TMEFF2: variants seen among roughly 807,000 people sequenced by gnomAD.
TMEFF2 encodes tomoregulin-2.
In TMEFF2, 28 loss-of-function variants were observed where a neutral mutation model predicts 53.8. That is an observed-to-expected ratio of 0.52 (90% CI 0.39 to 0.71). TMEFF2 has a LOEUF of 0.71. TMEFF2 is among the 30% of genes least tolerant of loss of function. TMEFF2 has a pLI of 0.00. For missense variants in TMEFF2, 353 were observed against 455.2 expected, an observed-to-expected ratio of 0.78 and a Z score of 2.04; for synonymous variants, 162 against 166.3, an observed-to-expected ratio of 0.97 and a Z score of 0.20.
intron 7 of TMEFF2, among the ~76,000 whole-genome samples, chr2:191,963,216 T>TA (rs994236632): frequency 1.8e-4 from 28 of 152,306 alleles, no homozygotes; most frequent in African/African-American, 6.7e-4. Context: ...AAGTTTGCTA[T>TA]AAACTTTAGA....
chr2:192,072,201 C>T (rs925373758), intron 4 of TMEFF2, among the ~76,000 whole-genome samples: 3 of 151,836 alleles, frequency 2.0e-5, no homozygotes, highest in African/African-American at 7.2e-5. Flanking sequence ...TTTAACCTTA[C>T]TTTTTCTATA....
At chr2:192,146,713 A>G (rs1334167384) in intron 4 of TMEFF2, among the ~76,000 whole-genome samples, 1 of 81,242 alleles carries the variant, frequency 1.2e-5, no homozygotes, top group African/African-American at 3.0e-5. Flanking sequence ...TTTAAATCTA[A>G]GAAAAGAAAA....
chr2:192,164,410 C>T (rs538623950), intron 4 of TMEFF2, among the ~76,000 whole-genome samples: 1 of 152,236 alleles, frequency 6.6e-6, no homozygotes, highest in East Asian at 1.9e-4. Context: ...AGTAACTTTG[C>T]ATAACATCAC....
chr2:192,037,468 A>G (rs1192832671), intron 5 of TMEFF2, among the ~76,000 whole-genome samples: 2 of 151,720 alleles, frequency 1.3e-5, no homozygotes, highest in Non-Finnish European at 2.9e-5. Flanking sequence ...TCTGCCTTAG[A>G]AGGAAAGGCA....
intron 7 of TMEFF2, among the ~76,000 whole-genome samples, chr2:191,981,566 TTAAA>T (rs1397374522): frequency 6.6e-6 from 1 of 152,202 alleles, no homozygotes; most frequent in Non-Finnish European, 1.5e-5. Flanking sequence ...AAATGCAAAA[TTAAA>T]TGTGTTTCTA....
chr2:192,050,890 C>A (rs1687752757), intron 5 of TMEFF2, among the ~76,000 whole-genome samples: 1 of 152,224 alleles, frequency 6.6e-6, no homozygotes, highest in Non-Finnish European at 1.5e-5. Flanking sequence ...AAACTATCAA[C>A]ATTTTCCCCT....
chr2:192,173,974 T>A (rs192476913), intron 4 of TMEFF2, among the ~76,000 whole-genome samples: 4 of 151,966 alleles, frequency 2.6e-5, no homozygotes, highest in Admixed American at 2.6e-4. Flanking sequence ...AGTTCAAAGT[T>A]ATTTGCATTA....
At chr2:191,987,097 CT>C (rs1685996378) in intron 7 of TMEFF2, among the ~76,000 whole-genome samples, 1 of 152,044 alleles carries the variant, frequency 6.6e-6, no homozygotes, top group South Asian at 2.1e-4. Flanking sequence ...GACATTCTGG[CT>C]GGATAATGTT....
At chr2:191,978,183 G>A (rs1474422855) in intron 7 of TMEFF2, among the ~76,000 whole-genome samples, 1 of 151,874 alleles carries the variant, frequency 6.6e-6, no homozygotes, top group Non-Finnish European at 1.5e-5. Context: ...GTATAGTTTC[G>A]GATGTAGCCA....
chr2:192,194,069 C>G lies in TMEFF2; in HGVS notation c.172+284G>C, dbSNP rs1691540768. On this transcript the variant is annotated intron_variant, in intron 1 of 9. Transcript: ENST00000272771. The surrounding 1 kb of genome is among the most constrained non-coding windows in gnomAD (Gnocchi z 4.2). ...CTTTCAAAACAGTGAACCCAGAAAA[C>G]CATCCCGTTTAATATTTCTCAAAAT... 6.6e-6 allele frequency among the ~76,000 whole-genome samples: 1 copy of G among 152,180 alleles called. No individual in the cohort carries two copies. Among genetic ancestry groups the G allele is most frequent in the African/African-American group, 2.4e-5 (1 of 41,458 alleles).
intron 4 of TMEFF2, among the ~76,000 whole-genome samples, chr2:192,135,427 T>C (rs1033987190): frequency 6.6e-5 from 10 of 152,184 alleles, no homozygotes; most frequent in African/African-American, 2.4e-4. Flanking sequence ...TACAAAACCG[T>C]ATCCAGGCCA....
intron 4 of TMEFF2, among the ~76,000 whole-genome samples, chr2:192,083,859 T>C (rs997796200): frequency 1.3e-5 from 2 of 151,970 alleles, no homozygotes; most frequent in African/African-American, 4.8e-5. Context: ...ACTCATGCAA[T>C]TAGAGTTAGA....
intron 4 of TMEFF2, among the ~76,000 whole-genome samples, chr2:192,086,494 C>G (rs142510488): frequency 7.2e-5 from 11 of 152,202 alleles, no homozygotes; most frequent in African/African-American, 2.4e-4. Flanking sequence ...TAATTCCCAT[C>G]TCTTTTGTTG....
intron 2 of TMEFF2, 66 bp from the exon 3 acceptor site, chr2:192,184,549 C>A: frequency 6.4e-7 from 1 of 1,564,846 alleles, no homozygotes; most frequent in South Asian, 1.2e-5. Context: ...ACACGATGAA[C>A]AGAAATAATC....
At chr2:192,065,859 C>T (rs1688158129) in intron 4 of TMEFF2, among the ~76,000 whole-genome samples, 1 of 151,578 alleles carries the variant, frequency 6.6e-6, no homozygotes, top group African/African-American at 2.4e-5. Flanking sequence ...TAAATAAAAA[C>T]TCTCCATTCT....
chr2:192,042,013 C>A (rs1687495902), intron 5 of TMEFF2, among the ~76,000 whole-genome samples: 1 of 151,938 alleles, frequency 6.6e-6, no homozygotes, highest in Admixed American at 6.6e-5. Flanking sequence ...CAAGCCTGAC[C>A]AACATGGTGA....
At position 192,131,511 on chromosome 2, in the gene TMEFF2, C is replaced by T. The variant is rs187420065; in HGVS notation, c.439+48157G>A. ...GCAAGAACCCCCAATCCCTTATTTC[C>T]GCACCCCGACCTCTTATCTCTGTGC... On this transcript the variant is annotated intron_variant, in intron 4 of 9. Transcript: ENST00000272771. Among the ~76,000 whole-genome samples, 344 of 152,166 alleles carry T rather than the reference C, an allele frequency of 2.3e-3. 1 individual carries two copies. The highest frequency in any genetic ancestry group is 8.0e-3 in the African/African-American group (333 of 41,512).
intron 4 of TMEFF2, among the ~76,000 whole-genome samples, chr2:192,122,914 A>G (rs1185219264): frequency 6.6e-6 from 1 of 152,156 alleles, no homozygotes. Flanking sequence ...CAGAAATGCA[A>G]TTAGGAAGCA....
intron 4 of TMEFF2, among the ~76,000 whole-genome samples, chr2:192,091,335 G>T (rs2105934755): frequency 6.6e-6 from 1 of 152,180 alleles, no homozygotes; most frequent in South Asian, 2.1e-4. Context: ...AGATGATCAG[G>T]ACATTAGATC....
Sources: allele counts gnomAD v4.1 joint callset (sites outside exome capture counted in the v4.1 genomes callset), GRCh38; gene constraint gnomAD v4.1.1; non-coding constraint Gnocchi (gnomAD v3.1); transcripts MANE v1.5; gene names NCBI Gene and HGNC (gene_info 2026-07-23, HGNC 2026-07-21).